The following FUS variants were observed in gnomAD, a reference collection of about 807,000 sequenced individuals.
FUS encodes FUS RNA binding protein.
Under a neutral mutation model 82.7 loss-of-function variants are expected in FUS, and 5 were observed. The ratio of observed to expected loss-of-function variants is 0.06; its 90% CI spans 0.03 to 0.13. The LOEUF (loss-of-function observed/expected upper bound fraction) is 0.13, where lower values mean the gene tolerates loss of function less well. Ranked by LOEUF, FUS falls within the 10% of genes least tolerant of loss-of-function variation. The probability of loss-of-function intolerance (pLI) is 1.00; values close to 1 mark genes in which losing one functional copy is unlikely to be tolerated. For synonymous variants in FUS, 281 were observed against 247.4 expected (o/e 1.14, Z -1.27); for missense variants, 512 against 707.8 (o/e 0.72, Z 3.14).
intron 1 of FUS, among the ~76,000 whole-genome samples, chr16:31,181,745 C>T (rs976162038): frequency 6.6e-6 from 1 of 152,122 alleles, no homozygotes; most frequent in African/African-American, 2.4e-5. Context: ...GCGATAATGG[C>T]TTTCTCATAG....
intron 5 of FUS, 24 bp from the exon 6 acceptor site, chr16:31,184,915 T>A (rs906847865): frequency 4.4e-6 from 7 of 1,606,418 alleles, no homozygotes; most frequent in South Asian, 1.1e-5. Context: ...TTTTTTTTTT[T>A]AATCATTCTT....
At chr16:31,186,407 C>G (rs1034254047) in intron 6 of FUS, 8 of 383,580 alleles carry the variant, frequency 2.1e-5, no homozygotes, top group Non-Finnish European at 3.9e-5. Context: ...TCAAGGCTAC[C>G]CCAGCCTGGT....
downstream of FUS, chr16:31,193,383 C>A (rs937794227): frequency 1.1e-5 from 6 of 526,110 alleles, no homozygotes; most frequent in East Asian, 4.0e-5. Flanking sequence ...TCTCTCCGTC[C>A]CTGCCACTGC....
At chr16:31,191,882 C>T (rs895207775), downstream of FUS, 9 of 541,264 alleles carry the variant, frequency 1.7e-5, no homozygotes, top group Non-Finnish European at 2.8e-5. Context: ...TATTTGCATA[C>T]TGGTCTTAGT....
downstream of FUS, chr16:31,191,956 G>T (rs1422999025): frequency 2.1e-5 from 11 of 533,212 alleles, no homozygotes; most frequent in Non-Finnish European, 4.0e-5. Flanking sequence ...TAATGGTGAG[G>T]CTCAAACAAA....
In FUS at chr16:31,188,631, G is replaced by T. The variant is rs142862541; in HGVS notation, c.832+274G>T. 1.8e-5 allele frequency: 10 copies of T among 563,580 alleles called. No individual in the cohort carries two copies. In the Admixed American group the frequency reaches 2.3e-4, roughly 13 times the overall value. The allele number at this position is 563,580 out of a possible 1,614,324, so 34.9% of individuals were successfully genotyped here. A position where few individuals can be genotyped will look rare whatever the true frequency, so the allele number is the denominator to read the frequency against. ...GTCCCCAGTGATGCTGATGCGTCTGGACCACACTCAGATGGTTTACAGCAG... is the reference window on the plus strand; with the variant it reads ...GTCCCCAGTGATGCTGATGCGTCTGTACCACACTCAGATGGTTTACAGCAG... On this transcript the variant is annotated intron_variant, in intron 8 of 14. Coordinates refer to ENST00000254108, the MANE Select transcript of FUS (RefSeq NM_004960.4).
rs201417716 is a variant in FUS at position 31,184,022 on chromosome 16, G to C, written c.335+20G>C. On this transcript the variant is annotated intron_variant, in intron 4 of 14. Coordinates refer to ENST00000254108, the MANE Select transcript of FUS (RefSeq NM_004960.4). ...GGGAAGGTACGGTGGTGTTGATGTC[G>C]GGGAAGGCTTGAAAAGAGGGGTGAA... The C allele has an allele frequency of 6.2e-7, 1 of 1,613,976 alleles. No homozygotes were observed. The highest frequency in any genetic ancestry group is 1.7e-5 in the Admixed American group (1 of 60,010).
chr16:31,185,099 C>CGGCGGTGGT lies in FUS; in HGVS notation c.686_687insCGGTGGTGG (p.Gly229_Gly231dup). 1 of 1,601,860 alleles carries CGGCGGTGGT rather than the reference C, an allele frequency of 6.2e-7. No homozygotes were observed. Among genetic ancestry groups the CGGCGGTGGT allele is most frequent in the Non-Finnish European group, 8.5e-7 (1 of 1,174,270 alleles). On this transcript the variant is annotated inframe_insertion, in exon 6 of 15. Coordinates refer to ENST00000254108, the MANE Select transcript of FUS (RefSeq NM_004960.4). Reference sequence around the variant, plus strand: ...GCAGTGGTGGCGGCGGCGGCGGCGGCGGTGGTGGTTACAACCGCAGCAGTG... The same window carrying CGGCGGTGGT: ...GCAGTGGTGGCGGCGGCGGCGGCGGCGGCGGTGGTGGTGGTGGTTACAACCGCAGCAGTG...
chr16:31,191,039 C>A lies in FUS; in HGVS notation c.1470C>A (p.Asp490Glu). ...GCGGCTACCGGGGCCGCGGCGGGGA[C>A]CGTGGAGGCTTCCGAGGGGGCCGGG... is the stretch of plus-strand genomic sequence containing the variant. Reference protein sequence around the residue: ...DRGGYRGRGGDRGGFRGGRGG... With the variant: ...DRGGYRGRGGERGGFRGGRGG... The change falls in exon 14 of 15, where the codon GAC becomes GAA. Residue 490 changes from aspartate to glutamate, a missense_variant. Coordinates refer to ENST00000254108, the MANE Select transcript of FUS (RefSeq NM_004960.4). The A allele has an allele frequency of 6.2e-7, 1 of 1,613,680 alleles. No individual in the cohort carries two copies. The highest frequency in any genetic ancestry group is 8.5e-7 in the Non-Finnish European group (1 of 1,179,930).
At chr16:31,184,886 T>C in intron 5 of FUS, 53 bp from the exon 6 acceptor site, 2 of 1,583,536 alleles carry the variant, frequency 1.3e-6, no homozygotes, top group Non-Finnish European at 1.7e-6. Flanking sequence ...CTTTTAGTGC[T>C]ACTTTACAAT....
At position 31,182,478 on chromosome 16, in the gene FUS, T is replaced by C. The variant is rs759882697; in HGVS notation, c.39-35T>C. The C allele has an allele frequency of 6.8e-6, 11 of 1,614,192 alleles. No homozygotes were observed. The South Asian group carries it at 8.8e-5, about 13-fold the overall frequency. On this transcript the variant is annotated intron_variant, in intron 2 of 14. Coordinates refer to ENST00000254108, the MANE Select transcript of FUS (RefSeq NM_004960.4). Reference sequence around the variant, plus strand: ...GTAGAGGGCAAGGGTGGTCACGCCATGTTTTCTGATCACGCTGGTTTTCCT... The same window carrying C: ...GTAGAGGGCAAGGGTGGTCACGCCACGTTTTCTGATCACGCTGGTTTTCCT...
At chr16:31,186,053 A>G (rs920716651) in intron 6 of FUS, 3 of 236,682 alleles carry the variant, frequency 1.3e-5, no homozygotes, top group Non-Finnish European at 1.7e-5. Flanking sequence ...GGGTGGGGGC[A>G]ATCTCAAAAA....
intron 7 of FUS, 115 bp from the exon 8 acceptor site, chr16:31,188,209 TA>T: frequency 2.7e-6 from 3 of 1,109,540 alleles, no homozygotes; most frequent in Non-Finnish European, 4.0e-6. Context: ...CTTGATATTT[TA>T]CAAGTTTGGA....
rs911544348 is a variant in FUS, at chr16:31,183,762, G to C, written c.191-96G>C. On this transcript the variant is annotated intron_variant, in intron 3 of 14. Transcript: ENST00000254108. Reference sequence around the variant, plus strand: ...ATCACTAACAGCTTCTGAGAGGCTGGCTTTATGAGTATAGGTATTATGTTT... The same window carrying C: ...ATCACTAACAGCTTCTGAGAGGCTGCCTTTATGAGTATAGGTATTATGTTT... 2.7e-5 allele frequency: 40 copies of C among 1,475,958 alleles called. 1 individual carries two copies. The South Asian group carries it at 3.3e-4, about 12-fold the overall frequency. 91.4% of individuals were successfully genotyped at this position (1,475,958 alleles called of 1,614,324 possible). A position where few individuals can be genotyped will look rare whatever the true frequency, so the allele number is the denominator to read the frequency against.
downstream of FUS, chr16:31,194,668 A>G (rs550798081): frequency 6.7e-4 from 327 of 487,884 alleles, 3 homozygotes; most frequent in South Asian, 5.0e-3. Flanking sequence ...ATTTCTGTAC[A>G]TGTACACATT....
intron 1 of FUS, among the ~76,000 whole-genome samples, chr16:31,181,804 T>A (rs560967898): frequency 6.6e-6 from 1 of 152,174 alleles, no homozygotes; most frequent in Non-Finnish European, 1.5e-5. Context: ...CTGACATGAA[T>A]TGGGCTTGCA....
chr16:31,185,051 C>T lies in FUS; in HGVS notation c.636C>T (p.Asp212=), dbSNP rs147528034. 846 of 1,611,800 alleles carry T rather than the reference C, an allele frequency of 5.2e-4. 4 individuals are homozygous for T. The African/African-American group carries it at 9.8e-3, about 19-fold the overall frequency. The change falls in exon 6 of 15, where the codon GAC becomes GAT. Residue 212 remains aspartate (D), a synonymous_variant. Transcript: ENST00000254108. ...GCAGCGGTGGCTATGGACAGCAGGACCGTGGAGGCCGCGGCAGGGGTGGCA... is the reference window on the plus strand; with the variant it reads ...GCAGCGGTGGCTATGGACAGCAGGATCGTGGAGGCCGCGGCAGGGGTGGCA... ...GGGSGGYGQQ[D]RGGRGRGGSG...
rs144853447 is a variant in FUS, at chr16:31,183,865, T to C, written c.198T>C (p.Tyr66=). 1,091 of 1,614,188 alleles carry C rather than the reference T, an allele frequency of 6.8e-4. 1 individual carries two copies. The highest frequency in any genetic ancestry group is 1.1e-3 in the Admixed American group (66 of 60,024). The part of the protein sequence containing the change: ...SSYGQSQNTG[Y]GTQSTPQGYG... ...TTTTTCTTATCCTGGTAGCAGGCTATGGAACTCAGTCAACTCCCCAGGGAT... is the reference window on the plus strand; with the variant it reads ...TTTTTCTTATCCTGGTAGCAGGCTACGGAACTCAGTCAACTCCCCAGGGAT... Residue 66 remains tyrosine (Y), a synonymous_variant, in exon 4 of 15, where the codon TAT becomes TAC. Transcript: ENST00000254108.
At position 31,180,233 on chromosome 16, in the gene FUS, T is replaced by A. The variant is rs548094887; in HGVS notation, c.13+6T>A. 2.5e-6 allele frequency: 4 copies of A among 1,610,282 alleles called. No individual in the cohort carries two copies. Among genetic ancestry groups the A allele is most frequent in the East Asian group, 2.2e-5 (1 of 44,716 alleles). On this transcript the variant is annotated splice_donor_region_variant and intron_variant, in intron 1 of 14. Coordinates refer to ENST00000254108, the MANE Select transcript of FUS (RefSeq NM_004960.4). ...CGCGGACATGGCCTCAAACGGTAGG[T>A]AAGGGCGCGAGGCGACGGCGGCGGC...
Sources: gnomAD v4.1 joint callset for allele counts (sites outside exome capture counted in the v4.1 genomes callset) on GRCh38, gnomAD v4.1.1 for gene constraint, MANE v1.5 for transcripts, NCBI Gene and HGNC (gene_info 2026-07-23, HGNC 2026-07-21) for gene names.